Variants in NTNG1 observed in about 807,000 individuals in gnomAD.
NTNG1 encodes the protein netrin G1.
A neutral mutation model predicts 54.0 loss-of-function variants in NTNG1; 16 were observed. The observed-to-expected ratio is 0.30, with a 90% CI of 0.20 to 0.45. The LOEUF is 0.45. Among genes scored for constraint, NTNG1 ranks in the 20% least tolerant of loss-of-function variants. The pLI, the probability that NTNG1 is intolerant of heterozygous loss-of-function variation, is 1.00. For missense variants in NTNG1, 530 were observed against 678.7 expected (o/e 0.78, Z 2.43); for synonymous variants, 255 against 263.1 (o/e 0.97, Z 0.30).
chr1:107,230,297 TG>T (rs1444853600), intron 2 of NTNG1, among the ~76,000 whole-genome samples: 1 of 151,986 alleles, frequency 6.6e-6, no homozygotes, highest in Non-Finnish European at 1.5e-5. Context: ...TGTATGCGGG[TG>T]GGGGAAAAGA....
chr1:107,270,514 TC>T (rs1664071467), intron 2 of NTNG1, among the ~76,000 whole-genome samples: 1 of 152,168 alleles, frequency 6.6e-6, no homozygotes, highest in African/African-American at 2.4e-5. Context: ...AATAAACAAT[TC>T]CTATATAACA....
At chr1:107,340,188 A>G (rs1191756629) in intron 3 of NTNG1, among the ~76,000 whole-genome samples, 1 of 152,060 alleles carries the variant, frequency 6.6e-6, no homozygotes, top group Admixed American at 6.6e-5. Context: ...AAAATATCTT[A>G]TGCCTTATTT....
intron 3 of NTNG1, among the ~76,000 whole-genome samples, chr1:107,334,649 C>T (rs527417848): frequency 3.0e-4 from 46 of 151,934 alleles, no homozygotes; most frequent in South Asian, 1.9e-3. Context: ...AATCTAACTC[C>T]TTTTTCAGAT....
intron 5 of NTNG1, chr1:107,408,981 G>T (rs1313306956): frequency 6.6e-6 from 1 of 152,112 alleles, no homozygotes; most frequent in South Asian, 2.1e-4. Context: ...ACACTGATTT[G>T]TTAAGCGCTA....
At chr1:107,262,138 A>ATTTACATTAAAAGTCT (rs962988738) in intron 2 of NTNG1, among the ~76,000 whole-genome samples, 1 of 152,238 alleles carries the variant, frequency 6.6e-6, no homozygotes, top group African/African-American at 2.4e-5. Context: ...TGATTTATAT[A>ATTTACATTAAAAGTCT]TTTACATTAA....
intron 6 of NTNG1, among the ~76,000 whole-genome samples, chr1:107,434,034 A>T (rs1333147239): frequency 6.6e-6 from 1 of 152,224 alleles, no homozygotes; most frequent in Non-Finnish European, 1.5e-5. Flanking sequence ...AAATGAAGGG[A>T]TATTTACCCC....
chr1:107,364,407 G>A (rs1670467476), intron 3 of NTNG1, among the ~76,000 whole-genome samples: 2 of 152,124 alleles, frequency 1.3e-5, no homozygotes, highest in African/African-American at 2.4e-5. Flanking sequence ...AGGTTACACT[G>A]CAGTGAAGAC....
chr1:107,219,114 A>ATTTTTTTTTTTTTTT (rs199656576), intron 2 of NTNG1, among the ~76,000 whole-genome samples: 1 of 143,744 alleles, frequency 7.0e-6, no homozygotes, highest in Non-Finnish European at 1.5e-5. Context: ...TTGTTTTTAA[A>ATTTTTTTTTTTTTTT]TTTTTTTTTT....
intron 2 of NTNG1, among the ~76,000 whole-genome samples, chr1:107,205,297 G>A (rs1356562778): frequency 6.6e-6 from 1 of 151,852 alleles, no homozygotes; most frequent in Non-Finnish European, 1.5e-5. Context: ...GGATATGCCT[G>A]TCTCCCCAAA....
At chr1:107,377,067 C>T (rs2101017363) in intron 3 of NTNG1, among the ~76,000 whole-genome samples, 1 of 152,328 alleles carries the variant, frequency 6.6e-6, no homozygotes, top group Non-Finnish European at 1.5e-5. Flanking sequence ...CCCCTGACTC[C>T]TCTTCCTGGC....
intron 3 of NTNG1, among the ~76,000 whole-genome samples, chr1:107,353,035 A>C (rs1669720662): frequency 6.6e-6 from 1 of 152,260 alleles, no homozygotes; most frequent in Non-Finnish European, 1.5e-5. Flanking sequence ...GGGGCCTGCC[A>C]TGAAAGTCTC....
chr1:107,297,192 T>C (rs900472021), intron 2 of NTNG1, among the ~76,000 whole-genome samples: 1 of 140,986 alleles, frequency 7.1e-6, no homozygotes, highest in Admixed American at 7.4e-5. Context: ...ATCATATATA[T>C]ATAACATCAT....
intron 2 of NTNG1, among the ~76,000 whole-genome samples, chr1:107,226,738 GAGTT>G (rs1450597698): frequency 5.9e-5 from 9 of 152,218 alleles, no homozygotes; most frequent in Middle Eastern, 3.4e-3. Flanking sequence ...ATTACACAGA[GAGTT>G]GCTCATGTAC....
intron 3 of NTNG1, among the ~76,000 whole-genome samples, chr1:107,374,221 G>A (rs1052205479): frequency 2.6e-5 from 4 of 152,100 alleles, no homozygotes; most frequent in Non-Finnish European, 5.9e-5. Context: ...TGTGCTTGGT[G>A]TAATTTTATT....
At chr1:107,455,276 C>A (rs1036965453) in intron 7 of NTNG1, among the ~76,000 whole-genome samples, 1 of 152,194 alleles carries the variant, frequency 6.6e-6, no homozygotes, top group Non-Finnish European at 1.5e-5. Context: ...GTTGGTCAGG[C>A]TGGTGTCGAA....
intron 2 of NTNG1, among the ~76,000 whole-genome samples, chr1:107,216,518 T>C (rs547384336): frequency 2.0e-4 from 31 of 152,320 alleles, no homozygotes; most frequent in Non-Finnish European, 3.7e-4. Context: ...TGATGGATTA[T>C]CTTTTCAATA....
intron 3 of NTNG1, among the ~76,000 whole-genome samples, chr1:107,350,948 T>C (rs1669563060): frequency 6.6e-6 from 1 of 152,190 alleles, no homozygotes; most frequent in African/African-American, 2.4e-5. Flanking sequence ...GTTAGTAATA[T>C]TGTAGACCTA....
rs971531301 is a variant in NTNG1, at chr1:107,258,410, C to G, written c.247-65872C>G. ...AGACAAGTGACCCCAAAAAACCCAC[C>G]TCTATAATAGACTCCTTAAATTGCA... On this transcript the variant is annotated intron_variant, in intron 2 of 7. Coordinates refer to ENST00000370068, the MANE Select transcript of NTNG1 (RefSeq NM_001113226.3). Among the ~76,000 whole-genome samples the G allele has an allele frequency of 3.9e-5, 6 of 152,038 alleles. No individual in the cohort carries two copies. In the East Asian group the frequency reaches 1.2e-3, roughly 29 times the overall value.
At position 107,484,608 on chromosome 1, in the gene NTNG1, G is replaced by C. The variant is rs991378770; in HGVS notation, c.*3768G>C. ...AAAGAAAGGTCCAGGTTGGAAGAAG[G>C]CGTCTGCTCCACAGTTCAGCTGGCC... On this transcript the variant is annotated 3_prime_UTR_variant, in exon 8 of 8. Transcript: ENST00000370068. 6.6e-6 allele frequency among the ~76,000 whole-genome samples: 1 copy of C among 152,148 alleles called. No homozygotes were observed. The highest frequency in any genetic ancestry group is 1.5e-5 in the Non-Finnish European group (1 of 68,030).
Sources: allele counts gnomAD v4.1 joint callset (sites outside exome capture counted in the v4.1 genomes callset), GRCh38; gene constraint gnomAD v4.1.1; transcripts MANE v1.5; gene names NCBI Gene and HGNC (gene_info 2026-07-23, HGNC 2026-07-21).